The following SLC38A1 variants were observed in gnomAD, a reference collection of about 807,000 sequenced individuals.
SLC38A1 encodes the protein sodium-coupled neutral amino acid symporter 1.
SLC38A1 carries 18 observed loss-of-function variants against 60.3 expected under a neutral mutation model. The ratio of observed to expected loss-of-function variants is 0.30; its 90% CI spans 0.21 to 0.44. The LOEUF (loss-of-function observed/expected upper bound fraction) is 0.44. Among genes scored for constraint, SLC38A1 ranks in the 20% least tolerant of loss-of-function variants. SLC38A1 has a pLI of 1.00. For synonymous variants in SLC38A1, 196 were observed against 212.1 expected (o/e 0.92, Z 0.66); for missense variants, 448 against 587.2 (o/e 0.76, Z 2.45).
At chr12:46,260,830 T>C (rs1015389872) in intron 1 of SLC38A1, among the ~76,000 whole-genome samples, 4 of 152,174 alleles carry the variant, frequency 2.6e-5, no homozygotes, top group Admixed American at 6.5e-5. Context: ...GCCTGAACTT[T>C]GCCACAGTCA....
chr12:46,265,216 G>T (rs1942315799), intron 1 of SLC38A1, among the ~76,000 whole-genome samples: 1 of 152,152 alleles, frequency 6.6e-6, no homozygotes, highest in Admixed American at 6.5e-5. Context: ...AAAAACTGAG[G>T]CTTAGAGATG....
At chr12:46,257,100 C>A (rs1489851371) in intron 1 of SLC38A1, among the ~76,000 whole-genome samples, 1 of 152,164 alleles carries the variant, frequency 6.6e-6, no homozygotes, top group Non-Finnish European at 1.5e-5. Context: ...GGCCACTTGT[C>A]AGTCAAGAAG....
At chr12:46,196,281 G>A (rs763171389) in intron 16 of SLC38A1, 1 of 1,535,780 alleles carries the variant, frequency 6.5e-7, no homozygotes, top group South Asian at 1.2e-5. Flanking sequence ...AAAGAGCTAA[G>A]GAAGGAGAGG....
intron 3 of SLC38A1, among the ~76,000 whole-genome samples, chr12:46,236,150 G>C (rs1941251075): frequency 6.6e-6 from 1 of 152,112 alleles, no homozygotes; most frequent in Admixed American, 6.5e-5. Flanking sequence ...TATGTGGTTG[G>C]TATTATTTTT....
At chr12:46,261,052 G>A (rs976661724) in intron 1 of SLC38A1, among the ~76,000 whole-genome samples, 13 of 152,058 alleles carry the variant, frequency 8.5e-5, no homozygotes, top group African/African-American at 3.1e-4. Context: ...CCTGCAATGG[G>A]TCTACTCTTA....
chr12:46,219,477 G>A (rs533492413), intron 5 of SLC38A1, among the ~76,000 whole-genome samples: 69 of 152,286 alleles, frequency 4.5e-4, no homozygotes, highest in Non-Finnish European at 8.4e-4. Flanking sequence ...GCTGCGGGTG[G>A]CTTTGGTCTG....
intron 1 of SLC38A1, among the ~76,000 whole-genome samples, chr12:46,257,697 C>A (rs1165285115): frequency 1.3e-5 from 2 of 152,196 alleles, no homozygotes; most frequent in Non-Finnish European, 2.9e-5. Flanking sequence ...AGGACCCCAC[C>A]ACTTACCCAA....
At chr12:46,246,888 C>G (rs1941639827) in intron 1 of SLC38A1, among the ~76,000 whole-genome samples, 2 of 152,208 alleles carry the variant, frequency 1.3e-5, no homozygotes, top group Non-Finnish European at 2.9e-5. Context: ...CCTGGGCAAA[C>G]AGGGTCTGGA....
At chr12:46,266,217 A>C (rs1942347268) in intron 1 of SLC38A1, among the ~76,000 whole-genome samples, 2 of 152,202 alleles carry the variant, frequency 1.3e-5, no homozygotes, top group African/African-American at 4.8e-5. Flanking sequence ...AGGAACAATG[A>C]GTAAAATCGG....
chr12:46,267,285 G>C (rs1296169540), intron 1 of SLC38A1: 1 of 152,248 alleles, frequency 6.6e-6, no homozygotes, highest in Non-Finnish European at 1.5e-5. Flanking sequence ...GGATTCGTCC[G>C]AGAAAGTACG....
intron 9 of SLC38A1, 83 bp from the exon 10 acceptor site, chr12:46,204,673 A>C: frequency 9.8e-7 from 1 of 1,019,804 alleles, no homozygotes; most frequent in Non-Finnish European, 1.4e-6. Flanking sequence ...AACTGTTATT[A>C]TTTCAAAATT....
intron 1 of SLC38A1, among the ~76,000 whole-genome samples, chr12:46,257,433 C>T (rs993195187): frequency 1.3e-5 from 2 of 152,192 alleles, no homozygotes; most frequent in African/African-American, 2.4e-5. Context: ...GGCTTTAACC[C>T]TCTCTGTCTT....
At chr12:46,263,198 A>G (rs953507894) in intron 1 of SLC38A1, among the ~76,000 whole-genome samples, 1 of 152,224 alleles carries the variant, frequency 6.6e-6, no homozygotes, top group African/African-American at 2.4e-5. Context: ...AACGCTCTCC[A>G]GAGGAGAGCA....
chr12:46,194,558 T>C (rs757033107), intron 16 of SLC38A1, among the ~76,000 whole-genome samples: 5 of 152,216 alleles, frequency 3.3e-5, no homozygotes, highest in Non-Finnish European at 7.3e-5. Flanking sequence ...CCCCCTCACT[T>C]TCAGGAACAC....
chr12:46,209,825 C>G (rs556479871), intron 5 of SLC38A1, among the ~76,000 whole-genome samples: 2 of 151,988 alleles, frequency 1.3e-5, no homozygotes, highest in Non-Finnish European at 2.9e-5. Flanking sequence ...TTATCACACC[C>G]TTCTCAAGAA....
At chr12:46,192,945 G>T (rs528411135) in intron 16 of SLC38A1, among the ~76,000 whole-genome samples, 1 of 151,958 alleles carries the variant, frequency 6.6e-6, no homozygotes, top group African/African-American at 2.4e-5. Context: ...ATTCTGCTCC[G>T]ATCTTAGTTA....
chr12:46,206,906 T>C (rs1939930494), intron 8 of SLC38A1, among the ~76,000 whole-genome samples: 1 of 152,210 alleles, frequency 6.6e-6, no homozygotes, highest in African/African-American at 2.4e-5. Flanking sequence ...TTTCAGGCTC[T>C]GGGGAAAATG....
rs902996416 is a variant in SLC38A1, at chr12:46,187,063, C to T, written c.*1907G>A. The T allele has an allele frequency of 6.6e-6, 1 of 152,080 alleles. No homozygotes were observed. The highest frequency in any genetic ancestry group is 1.5e-5 in the Non-Finnish European group (1 of 68,016). 9.4% of individuals were successfully genotyped at this position (152,080 alleles called of 1,614,324 possible). A position where few individuals can be genotyped will look rare whatever the true frequency, so the allele number is the denominator to read the frequency against. ...TATGGCTAGGTTAGGTATTCATATC[C>T]AAATATCTGAACTCTAACCTAATGT... is the stretch of plus-strand genomic sequence containing the variant. On this transcript the variant is annotated 3_prime_UTR_variant, in exon 17 of 17. Transcript: ENST00000398637.
chr12:46,231,723 T>A (rs537186430), intron 3 of SLC38A1, among the ~76,000 whole-genome samples: 83 of 152,280 alleles, frequency 5.5e-4, no homozygotes, highest in Non-Finnish European at 8.5e-4. Flanking sequence ...TTGTACAATC[T>A]CCACTTCCCA....
Sources: allele counts gnomAD v4.1 joint callset (sites outside exome capture counted in the v4.1 genomes callset), GRCh38; gene constraint gnomAD v4.1.1; transcripts MANE v1.5; gene names NCBI Gene and HGNC (gene_info 2026-07-23, HGNC 2026-07-21).